Variants in RHOT1 observed in about 807,000 individuals in gnomAD.
RHOT1 encodes mitochondrial Rho GTPase 1.
RHOT1 carries 27 observed loss-of-function variants against 95.3 expected under a neutral mutation model. The ratio of observed to expected loss-of-function variants is 0.28; its 90% CI spans 0.21 to 0.39. The LOEUF (loss-of-function observed/expected upper bound fraction) is 0.39, where lower values mean the gene tolerates loss of function less well. Ranked by LOEUF, RHOT1 falls within the 10% of genes least tolerant of loss-of-function variation. The pLI is 1.00. For synonymous variants in RHOT1, 227 were observed against 263.5 expected, an observed-to-expected ratio of 0.86 and a Z score of 1.34; for missense variants, 578 against 786.7, an observed-to-expected ratio of 0.73 and a Z score of 3.17.
intron 6 of RHOT1, chr17:32,179,300 C>G (rs539366426): frequency 1.4e-5 from 2 of 146,224 alleles, no homozygotes; most frequent in Non-Finnish European, 1.5e-5. Context: ...GCTGCCACCC[C>G]GTCTGGGATG....
chr17:32,197,162 C>T (rs1429043522), intron 11 of RHOT1, among the ~76,000 whole-genome samples: 1 of 151,926 alleles, frequency 6.6e-6, no homozygotes, highest in Admixed American at 6.6e-5. Flanking sequence ...GTCCACCTCC[C>T]ACTTGTTTGT....
intron 1 of RHOT1, among the ~76,000 whole-genome samples, chr17:32,148,624 GT>G (rs2031751268): frequency 6.6e-6 from 1 of 152,210 alleles, no homozygotes; most frequent in Admixed American, 6.5e-5. Flanking sequence ...AAATGCTAAA[GT>G]TTTCCAGTTA....
intron 17 of RHOT1, chr17:32,207,310 A>G: frequency 3.5e-6 from 1 of 286,818 alleles, no homozygotes; most frequent in Non-Finnish European, 6.4e-6. Context: ...AAAGTTACAT[A>G]TGTCTGCCTT....
intron 1 of RHOT1, among the ~76,000 whole-genome samples, chr17:32,159,051 C>T (rs1429555168): frequency 6.6e-6 from 1 of 152,156 alleles, no homozygotes; most frequent in Non-Finnish European, 1.5e-5. Flanking sequence ...GACCTGCTTC[C>T]AGGCCTGGAG....
At chr17:32,188,276 C>T (rs994140435) in intron 8 of RHOT1, among the ~76,000 whole-genome samples, 2 of 152,236 alleles carry the variant, frequency 1.3e-5, no homozygotes, top group African/African-American at 4.8e-5. Flanking sequence ...CCAGCATCAT[C>T]TTTTTAGACC....
At chr17:32,202,310 G>T (rs1307172544) in intron 14 of RHOT1, among the ~76,000 whole-genome samples, 1 of 152,118 alleles carries the variant, frequency 6.6e-6, no homozygotes, top group Non-Finnish European at 1.5e-5. Flanking sequence ...TGAAAGGACG[G>T]CTAACCCCAA....
Position 32,202,752 on chromosome 17 carries a change from T to C in RHOT1, c.1202-18T>C. On this transcript the variant is annotated intron_variant, in intron 14 of 19. Coordinates refer to ENST00000545287, the MANE Select transcript of RHOT1 (RefSeq NM_001033566.3). ...GTGGTACATATTTAGTGGGGTTTTTTATTATTATTATTTTTAGTGACAAGA... is the reference window on the plus strand; with the variant it reads ...GTGGTACATATTTAGTGGGGTTTTTCATTATTATTATTTTTAGTGACAAGA... 6.5e-7 allele frequency: 1 copy of C among 1,536,932 alleles called. No homozygotes were observed. Among genetic ancestry groups the C allele is most frequent in the Non-Finnish European group, 8.8e-7 (1 of 1,133,072 alleles).
chr17:32,170,371 C>T (rs553193409), intron 1 of RHOT1, among the ~76,000 whole-genome samples: 9 of 152,040 alleles, frequency 5.9e-5, no homozygotes, highest in East Asian at 1.9e-4. Context: ...GCCAAGATTG[C>T]GCCACTGCAC....
At chr17:32,204,935 A>G (rs930992183) in intron 16 of RHOT1, among the ~76,000 whole-genome samples, 21 of 151,280 alleles carry the variant, frequency 1.4e-4, no homozygotes, top group Non-Finnish European at 7.4e-5. Context: ...GTGAGCCAAG[A>G]TTGTGCCACT....
chr17:32,202,357 A>C (rs1290446638), intron 14 of RHOT1, among the ~76,000 whole-genome samples: 1 of 152,212 alleles, frequency 6.6e-6, no homozygotes, highest in Non-Finnish European at 1.5e-5. Context: ...ATCCAGCTCC[A>C]AGAGAGTGCA....
Position 32,199,374 on chromosome 17 carries a change from C to T in RHOT1, c.955-31C>T, listed in dbSNP as rs556734412. The T allele has an allele frequency of 3.2e-6, 5 of 1,586,928 alleles. No homozygotes were observed. The Admixed American group carries it at 7.6e-5, about 24-fold the overall frequency. On this transcript the variant is annotated intron_variant, in intron 12 of 19. Transcript: ENST00000545287. Reference sequence around the variant, plus strand: ...AGTTGGGAATTATTATCTTAGATATCTAAACATTCTGTATCCTTGTGTTTC... The same window carrying T: ...AGTTGGGAATTATTATCTTAGATATTTAAACATTCTGTATCCTTGTGTTTC...
intron 1 of RHOT1, among the ~76,000 whole-genome samples, chr17:32,164,561 A>G (rs1375093594): frequency 1.3e-5 from 2 of 152,020 alleles, no homozygotes. Flanking sequence ...ACCAAAAATT[A>G]CCTTAAAAAT....
chr17:32,153,249 A>G (rs969649376), intron 1 of RHOT1, among the ~76,000 whole-genome samples: 11 of 152,248 alleles, frequency 7.2e-5, no homozygotes, highest in African/African-American at 2.7e-4. Flanking sequence ...GGTCTTAAGC[A>G]TATTAAGGTA....
At chr17:32,192,895 C>A (rs1283066430) in intron 9 of RHOT1, among the ~76,000 whole-genome samples, 1 of 152,052 alleles carries the variant, frequency 6.6e-6, no homozygotes. Context: ...TGGACTCGAT[C>A]TCCTCGTGAT....
intron 1 of RHOT1, 58 bp downstream of exon 1, chr17:32,142,787 C>G (rs567048902): frequency 7.6e-7 from 1 of 1,310,772 alleles, no homozygotes; most frequent in South Asian, 1.4e-5. Context: ...CCCTGCAGCC[C>G]CTGTCGCCCC....
At chr17:32,208,713 A>G (rs959913450) in intron 18 of RHOT1, 1 of 159,878 alleles carries the variant, frequency 6.3e-6, no homozygotes, top group African/African-American at 2.4e-5. Flanking sequence ...GTTTTCTAAA[A>G]TATTTTATTA....
intron 19 of RHOT1, among the ~76,000 whole-genome samples, chr17:32,220,471 T>A (rs187075655): frequency 7.3e-4 from 111 of 152,342 alleles, no homozygotes; most frequent in African/African-American, 2.5e-3. Flanking sequence ...CCATACCTTA[T>A]AACACGTGTG....
intron 1 of RHOT1, among the ~76,000 whole-genome samples, chr17:32,145,359 T>C (rs963383310): frequency 2.6e-5 from 4 of 152,170 alleles, no homozygotes; most frequent in Admixed American, 1.3e-4. Flanking sequence ...TAATGGAGTC[T>C]TCTTTTTAAA....
intron 14 of RHOT1, among the ~76,000 whole-genome samples, chr17:32,201,307 G>C (rs2037302888): frequency 6.6e-6 from 1 of 152,226 alleles, no homozygotes; most frequent in East Asian, 1.9e-4. Flanking sequence ...ATGAGGAAGA[G>C]CTGTGGGCAT....
Sources: allele counts gnomAD v4.1 joint callset (sites outside exome capture counted in the v4.1 genomes callset), GRCh38; gene constraint gnomAD v4.1.1; transcripts MANE v1.5; gene names NCBI Gene and HGNC (gene_info 2026-07-23, HGNC 2026-07-21).